WDR49: variants seen among roughly 807,000 people sequenced by gnomAD.
The protein encoded by WDR49 is WD repeat domain 49.
Under a neutral mutation model 119.5 loss-of-function variants are expected in WDR49, and 107 were observed. The observed-to-expected ratio is 0.90, with a 90% CI of 0.77 to 1.05. The LOEUF (loss-of-function observed/expected upper bound fraction) is 1.05, where lower values mean the gene tolerates loss of function less well. Ranked by LOEUF, WDR49 falls within the 50% of genes least tolerant of loss-of-function variation. The probability of loss-of-function intolerance (pLI) is 0.00; values close to 1 mark genes in which losing one functional copy is unlikely to be tolerated. For synonymous variants in WDR49, 425 were observed against 418.8 expected, an observed-to-expected ratio of 1.01 and a Z score of -0.18; for missense variants, 1,240 against 1,220.5, an observed-to-expected ratio of 1.02 and a Z score of -0.24.
chr3:167,498,929 A>G (rs151234063), intron 18 of WDR49, among the ~76,000 whole-genome samples: 4 of 152,078 alleles, frequency 2.6e-5, no homozygotes, highest in Admixed American at 6.5e-5. Flanking sequence ...CTTTCAATCC[A>G]CTTTGTTCAA....
At chr3:167,582,989 C>G (rs932405402) in intron 7 of WDR49, among the ~76,000 whole-genome samples, 5 of 151,462 alleles carry the variant, frequency 3.3e-5, no homozygotes, top group African/African-American at 1.2e-4. Flanking sequence ...CACACACACA[C>G]AGATAGAGAG....
chr3:167,582,183 C>T (rs1321048231), intron 7 of WDR49, among the ~76,000 whole-genome samples: 1 of 152,016 alleles, frequency 6.6e-6, no homozygotes, highest in Non-Finnish European at 1.5e-5. Flanking sequence ...GAGGGCATTG[C>T]TTTTCCTGAA....
intron 7 of WDR49, among the ~76,000 whole-genome samples, chr3:167,580,856 TC>T (rs559543954): frequency 2.0e-5 from 3 of 152,194 alleles, no homozygotes; most frequent in Non-Finnish European, 1.5e-5. Context: ...AATTTTCATT[TC>T]AGATATCCTA....
intron 5 of WDR49, among the ~76,000 whole-genome samples, chr3:167,611,904 C>G (rs1318465320): frequency 6.6e-6 from 1 of 152,146 alleles, no homozygotes; most frequent in Non-Finnish European, 1.5e-5. Context: ...GACCTCAACA[C>G]TTCACTTTCA....
At chr3:167,551,593 T>C (rs1198152159) in intron 10 of WDR49, among the ~76,000 whole-genome samples, 1 of 151,986 alleles carries the variant, frequency 6.6e-6, no homozygotes, top group Non-Finnish European at 1.5e-5. Context: ...CCTACTAACT[T>C]TGTCACCTTG....
intron 17 of WDR49, among the ~76,000 whole-genome samples, chr3:167,501,539 A>T (rs1751567908): frequency 6.6e-6 from 1 of 152,188 alleles, no homozygotes; most frequent in African/African-American, 2.4e-5. Context: ...GTTAACAAAT[A>T]ATTATGCACC....
intron 5 of WDR49, among the ~76,000 whole-genome samples, chr3:167,607,763 C>A (rs1022117284): frequency 6.6e-6 from 1 of 152,152 alleles, no homozygotes; most frequent in African/African-American, 2.4e-5. Context: ...CCAAACCAAG[C>A]CCCTAATTTA....
chr3:167,507,274 G>A (rs1029051979), intron 16 of WDR49, among the ~76,000 whole-genome samples: 2 of 151,954 alleles, frequency 1.3e-5, no homozygotes, highest in Admixed American at 6.6e-5. Flanking sequence ...TTGGATAGGT[G>A]GGCAGTTTTT....
At chr3:167,492,152 T>C (rs1751162252) in intron 18 of WDR49, among the ~76,000 whole-genome samples, 1 of 152,062 alleles carries the variant, frequency 6.6e-6, no homozygotes. Flanking sequence ...GAAGTTTTTT[T>C]TTTTTTTAAG....
chr3:167,587,306 G>A (rs143760207), intron 7 of WDR49, among the ~76,000 whole-genome samples: 48 of 152,076 alleles, frequency 3.2e-4, no homozygotes, highest in South Asian at 6.2e-4. Flanking sequence ...CAAAAAGTAG[G>A]CCAGCTAAAT....
chr3:167,584,959 TTTA>T (rs1339393404), intron 7 of WDR49, among the ~76,000 whole-genome samples: 2 of 152,130 alleles, frequency 1.3e-5, no homozygotes, highest in Non-Finnish European at 2.9e-5. Flanking sequence ...CTTAACATTT[TTTA>T]TTATCTTTTC....
chr3:167,479,222 T>A (rs1454635050), intron 18 of WDR49, among the ~76,000 whole-genome samples: 1 of 152,142 alleles, frequency 6.6e-6, no homozygotes, highest in Non-Finnish European at 1.5e-5. Flanking sequence ...AATGCATATA[T>A]CTTAATAGAA....
chr3:167,480,804 A>T (rs995487947), intron 18 of WDR49, among the ~76,000 whole-genome samples: 2 of 152,152 alleles, frequency 1.3e-5, no homozygotes, highest in African/African-American at 4.8e-5. Flanking sequence ...AAAAATAGTC[A>T]CTGTGAGTTA....
chr3:167,627,286 G>C lies in WDR49; in HGVS notation c.172C>G (p.Gln58Glu), dbSNP rs77319753. 2.3e-3 allele frequency: 2,847 copies of C among 1,234,762 alleles called. 32 individuals carry two copies. The African/African-American group carries it at 0.026, about 11-fold the overall frequency. 76.5% of individuals were successfully genotyped at this position (1,234,762 alleles called of 1,614,324 possible). ...GACATACAAATGATTTTCCTTGGCT[G>C]TGGGGACTAGAAACAGGAATCCAAA... is the stretch of plus-strand genomic sequence containing the variant. Reference protein sequence around the residue: ...VKIQKAFESPQPRKIICMSRE... With the variant: ...VKIQKAFESPEPRKIICMSRE... The change falls in exon 3 of 19, where the codon CAG (glutamine) becomes GAG (glutamate). Residue 58 changes from glutamine to glutamate, a missense_variant. Physicochemically the swap from Gln to Glu is conservative, Grantham distance 29. Coordinates refer to ENST00000682715, the MANE Select transcript of WDR49 (RefSeq NM_001366157.1).
chr3:167,538,589 T>G (rs1711609530), intron 10 of WDR49, among the ~76,000 whole-genome samples: 1 of 152,068 alleles, frequency 6.6e-6, no homozygotes, highest in Non-Finnish European at 1.5e-5. Flanking sequence ...TATTCTACTC[T>G]GGGGCATTTT....
At chr3:167,567,236 TG>T (rs1713658773) in intron 8 of WDR49, among the ~76,000 whole-genome samples, 1 of 152,242 alleles carries the variant, frequency 6.6e-6, no homozygotes, top group South Asian at 2.1e-4. Context: ...CTTTGTTTTC[TG>T]GCACTGCTTC....
rs185547293 is a variant in WDR49, at chr3:167,606,072, G to C, written c.959-1604C>G. 2.2e-3 allele frequency among the ~76,000 whole-genome samples: 328 copies of C among 152,246 alleles called. 1 individual carries two copies. Among genetic ancestry groups the C allele is most frequent in the African/African-American group, 7.3e-3 (303 of 41,552 alleles). ...AGATTCTCATTCAATGTAAACCTGA[G>C]ATTCTGCATTTCTCACATTCCTAGG... On this transcript the variant is annotated intron_variant, in intron 5 of 18. Transcript: ENST00000682715.
At chr3:167,587,508 C>T (rs1033445201) in intron 7 of WDR49, among the ~76,000 whole-genome samples, 2 of 151,988 alleles carry the variant, frequency 1.3e-5, no homozygotes, top group Non-Finnish European at 2.9e-5. Context: ...TTTTTTGAGA[C>T]AGGGTCCCTC....
At chr3:167,565,764 G>T (rs1713556246) in intron 8 of WDR49, among the ~76,000 whole-genome samples, 2 of 152,126 alleles carry the variant, frequency 1.3e-5, no homozygotes, top group Admixed American at 6.5e-5. Flanking sequence ...GCCATTGCCT[G>T]CGGTCAGTGC....
Sources: gnomAD v4.1 joint callset for allele counts (sites outside exome capture counted in the v4.1 genomes callset) on GRCh38, gnomAD v4.1.1 for gene constraint, MANE v1.5 for transcripts, NCBI Gene and HGNC (gene_info 2026-07-23, HGNC 2026-07-21) for gene names.